The following TANC2 variants were observed in gnomAD, a reference collection of about 807,000 sequenced individuals.
TANC2 encodes protein TANC2.
Under a neutral mutation model 210.5 loss-of-function variants are expected in TANC2, and 26 were observed. The ratio of observed to expected loss-of-function variants is 0.12; its 90% CI spans 0.09 to 0.17. The LOEUF is 0.17. TANC2 is among the 10% of genes least tolerant of loss of function. The pLI, the probability that TANC2 is intolerant of heterozygous loss-of-function variation, is 1.00. For synonymous variants in TANC2, 931 were observed against 967.1 expected (o/e 0.96, Z 0.69); for missense variants, 2,129 against 2,608.9 (o/e 0.82, Z 4.01).
At chr17:63,229,227 C>T (rs1018693653) in intron 7 of TANC2, among the ~76,000 whole-genome samples, 6 of 152,026 alleles carry the variant, frequency 3.9e-5, no homozygotes, top group Non-Finnish European at 8.8e-5. Flanking sequence ...TGATGAATTA[C>T]GTTTATGGAT....
chr17:63,141,341 A>G lies in TANC2; in HGVS notation c.323-9929A>G, dbSNP rs920422088. ...CGGATCACTTGAGGTCAGGAGTTCAAGACCAGCCTGGCCAACATGCTAAAA... is the reference window on the plus strand; with the variant it reads ...CGGATCACTTGAGGTCAGGAGTTCAGGACCAGCCTGGCCAACATGCTAAAA... On this transcript the variant is annotated intron_variant, in intron 4 of 27. Transcript: ENST00000689528. Among the ~76,000 whole-genome samples the G allele has an allele frequency of 2.9e-5, 4 of 137,300 alleles. No individual in the cohort carries two copies. The Admixed American group carries it at 3.1e-4, about 11-fold the overall frequency. The allele number at this position is 137,300 out of a possible 152,430, so 90.1% of individuals were successfully genotyped here.
exon 6 of TANC2, chr17:63,194,127 G>A: frequency 7.4e-6 from 12 of 1,612,632 alleles, no homozygotes; most frequent in Non-Finnish European, 9.3e-6. Flanking sequence ...TGGAAGTACA[G>A]GATGAAAATC....
chr17:63,395,041 AAAAGGCTACTCATCTAATG>A (rs2048109077), intron 17 of TANC2, among the ~76,000 whole-genome samples: 1 of 152,256 alleles, frequency 6.6e-6, no homozygotes, highest in African/African-American at 2.4e-5. Flanking sequence ...TACCTACCAG[AAAAGGCTACTCATCTAATG>A]AAAGGCTACT....
intron 13 of TANC2, 54 bp from the exon 14 acceptor site, chr17:63,354,729 A>T (rs918609404): frequency 1.3e-6 from 2 of 1,520,954 alleles, no homozygotes; most frequent in Non-Finnish European, 1.8e-6. Flanking sequence ...TTATCACAAG[A>T]GTTAGGGGAA....
At chr17:63,310,927 A>G (rs773575037) in intron 9 of TANC2, among the ~76,000 whole-genome samples, 1 of 152,202 alleles carries the variant, frequency 6.6e-6, no homozygotes, top group Non-Finnish European at 1.5e-5. Flanking sequence ...TTTTGTTTCA[A>G]GAAAAATAAG....
chr17:63,413,033 A>G (rs9896572), intron 24 of TANC2: 15 of 326,712 alleles, frequency 4.6e-5, no homozygotes, highest in South Asian at 3.2e-4. Flanking sequence ...TCCTGCTTCA[A>G]AGTGAATCCC....
At chr17:63,236,767 C>T (rs564617685) in intron 7 of TANC2, among the ~76,000 whole-genome samples, 10 of 152,114 alleles carry the variant, frequency 6.6e-5, no homozygotes, top group East Asian at 1.9e-4. Context: ...TGTGTTTCTG[C>T]GTCTAACTTG....
intron 3 of TANC2, among the ~76,000 whole-genome samples, chr17:63,086,589 T>C (rs562153131): frequency 6.6e-6 from 1 of 152,320 alleles, no homozygotes; most frequent in East Asian, 1.9e-4. Flanking sequence ...TTGCATGTTA[T>C]CTACTTTTTT....
intron 2 of TANC2, among the ~76,000 whole-genome samples, chr17:63,040,540 G>A (rs1428771050): frequency 1.3e-5 from 2 of 152,108 alleles, no homozygotes. Flanking sequence ...AGCTTTTAAT[G>A]TGTTGGGGGC....
At chr17:63,201,564 G>C (rs1448335448) in intron 7 of TANC2, among the ~76,000 whole-genome samples, 1 of 151,080 alleles carries the variant, frequency 6.6e-6, no homozygotes, top group Non-Finnish European at 1.5e-5. Flanking sequence ...TTGAAACTTA[G>C]AAGTATTCAA....
intron 2 of TANC2, among the ~76,000 whole-genome samples, chr17:63,054,392 A>G (rs2035692379): frequency 6.6e-6 from 1 of 151,912 alleles, no homozygotes. Flanking sequence ...TTTTCTTTTG[A>G]GATGGAGTCT....
chr17:63,263,746 T>C (rs1367211500), intron 8 of TANC2, among the ~76,000 whole-genome samples: 2 of 152,180 alleles, frequency 1.3e-5, no homozygotes, highest in African/African-American at 2.4e-5. Flanking sequence ...TGGTCCCCTT[T>C]CAACAAATTA....
At chr17:63,225,510 C>T (rs1345892000) in intron 7 of TANC2, among the ~76,000 whole-genome samples, 1 of 152,188 alleles carries the variant, frequency 6.6e-6, no homozygotes, top group Non-Finnish European at 1.5e-5. Context: ...GTCTACTGTA[C>T]ATCTTTATTT....
At chr17:63,121,372 G>C (rs1272174960) in intron 4 of TANC2, among the ~76,000 whole-genome samples, 4 of 151,984 alleles carry the variant, frequency 2.6e-5, no homozygotes, top group African/African-American at 7.2e-5. Flanking sequence ...TATAGATAAA[G>C]CATCTAGTAT....
intron 11 of TANC2, among the ~76,000 whole-genome samples, chr17:63,332,860 A>G (rs1220575411): frequency 2.0e-5 from 3 of 152,128 alleles, no homozygotes; most frequent in African/African-American, 7.2e-5. Context: ...AATGATGCTA[A>G]ATCTACTCTA....
intron 7 of TANC2, among the ~76,000 whole-genome samples, chr17:63,208,760 T>C (rs980419795): frequency 1.3e-5 from 2 of 152,174 alleles, no homozygotes; most frequent in East Asian, 1.9e-4. Context: ...TCCTAGATGC[T>C]TTATATTTTT....
At chr17:63,349,196 A>T (rs918814359) in intron 12 of TANC2, among the ~76,000 whole-genome samples, 3 of 152,218 alleles carry the variant, frequency 2.0e-5, no homozygotes, top group Non-Finnish European at 4.4e-5. Flanking sequence ...CCTTTTAAAA[A>T]TAAAAAATAA....
intron 9 of TANC2, among the ~76,000 whole-genome samples, chr17:63,307,222 T>C (rs1362015342): frequency 6.6e-6 from 1 of 152,162 alleles, no homozygotes; most frequent in Non-Finnish European, 1.5e-5. Flanking sequence ...GATATGGTCC[T>C]TTTATCATCA....
chr17:63,274,446 T>TCTAGTC (rs1279063572), intron 9 of TANC2, among the ~76,000 whole-genome samples: 11 of 152,274 alleles, frequency 7.2e-5, no homozygotes, highest in South Asian at 2.1e-4. Flanking sequence ...AAGCGCCTTT[T>TCTAGTC]CTAGTCCCAA....
Sources: allele counts gnomAD v4.1 joint callset (sites outside exome capture counted in the v4.1 genomes callset), GRCh38; gene constraint gnomAD v4.1.1; transcripts MANE v1.5; gene names NCBI Gene and HGNC (gene_info 2026-07-23, HGNC 2026-07-21).